The following MTHFD1L variants were observed in gnomAD, a reference collection of about 807,000 sequenced individuals.
The protein encoded by MTHFD1L is methylenetetrahydrofolate dehydrogenase (NADP+ dependent) 1 like, also known as monofunctional C1-tetrahydrofolate synthase, mitochondrial.
MTHFD1L carries 81 observed loss-of-function variants against 119.5 expected under a neutral mutation model. That is an observed-to-expected ratio of 0.68 (90% CI 0.57 to 0.82). The LOEUF (loss-of-function observed/expected upper bound fraction) is 0.82, where lower values mean the gene tolerates loss of function less well. Ranked by LOEUF, MTHFD1L falls within the 40% of genes least tolerant of loss-of-function variation. MTHFD1L has a pLI of 0.00. For missense variants in MTHFD1L, 1,125 were observed against 1,253.4 expected, an observed-to-expected ratio of 0.90 and a Z score of 1.55; for synonymous variants, 430 against 475.2, an observed-to-expected ratio of 0.90 and a Z score of 1.24.
At chr6:150,890,883 A>G (rs1486643077) in intron 7 of MTHFD1L, among the ~76,000 whole-genome samples, 2 of 152,260 alleles carry the variant, frequency 1.3e-5, no homozygotes, top group African/African-American at 4.8e-5. Context: ...GTATAGTTGC[A>G]TGTAGAGTAT....
intron 20 of MTHFD1L, among the ~76,000 whole-genome samples, chr6:151,002,261 C>T (rs1477199906): frequency 2.0e-5 from 3 of 152,128 alleles, no homozygotes; most frequent in African/African-American, 4.8e-5. Flanking sequence ...CAAGCTCTAT[C>T]GCTTAATAGC....
chr6:150,940,832 G>A (rs371542424), intron 13 of MTHFD1L, among the ~76,000 whole-genome samples: 13 of 152,030 alleles, frequency 8.6e-5, no homozygotes, highest in African/African-American at 1.4e-4. Context: ...CACCCACCTC[G>A]GTCTTCAAAA....
intron 7 of MTHFD1L, chr6:150,899,149 T>C (rs1784730908): frequency 4.5e-6 from 1 of 224,022 alleles, no homozygotes; most frequent in East Asian, 1.8e-4. Flanking sequence ...TTAAGTTGAA[T>C]GGTGAAGTCA....
intron 12 of MTHFD1L, 139 bp downstream of exon 12, chr6:150,937,079 G>A: frequency 9.2e-7 from 1 of 1,087,282 alleles, no homozygotes; most frequent in African/African-American, 1.6e-5. Flanking sequence ...TCAGTACATA[G>A]TGGTCGCCCC....
chr6:150,928,110 A>C (rs1204706464), intron 11 of MTHFD1L, among the ~76,000 whole-genome samples: 1 of 152,096 alleles, frequency 6.6e-6, no homozygotes, highest in Non-Finnish European at 1.5e-5. Context: ...AAGTGAGTTC[A>C]ATTATTTATA....
intron 5 of MTHFD1L, 89 bp from the exon 6 acceptor site, chr6:150,885,545 G>A (rs753343470): frequency 5.6e-5 from 49 of 876,146 alleles, no homozygotes; most frequent in Admixed American, 9.9e-5. Flanking sequence ...TGACTTGGAT[G>A]TTATTTGGGG....
rs761684013 is a variant in MTHFD1L, at chr6:150,869,262, A to C, written c.227+3213A>C. 2.0e-5 allele frequency among the ~76,000 whole-genome samples: 3 copies of C among 152,078 alleles called. No homozygotes were observed. In the South Asian group the frequency reaches 6.2e-4, roughly 32 times the overall value. On this transcript the variant is annotated intron_variant, in intron 1 of 27. Coordinates refer to ENST00000367321, the MANE Select transcript of MTHFD1L (RefSeq NM_015440.5). The stretch of plus-strand genomic sequence containing the variant: ...CCATGGTGGTTTGCTGCACCCATCA[A>C]CCCGTCATCTAGGTTTTAAGCCCCA...
At chr6:151,014,054 A>G (rs1452570169) in intron 22 of MTHFD1L, among the ~76,000 whole-genome samples, 2 of 152,170 alleles carry the variant, frequency 1.3e-5, no homozygotes, top group African/African-American at 4.8e-5. Flanking sequence ...GCAAAACCTC[A>G]TCTCTACTAA....
At chr6:150,878,033 A>G (rs1257954508) in intron 4 of MTHFD1L, among the ~76,000 whole-genome samples, 1 of 152,162 alleles carries the variant, frequency 6.6e-6, no homozygotes, top group East Asian at 1.9e-4. Flanking sequence ...TGAAGACTTG[A>G]GTTGCGACTT....
chr6:151,022,865 C>G (rs542082498), intron 24 of MTHFD1L, among the ~76,000 whole-genome samples: 5 of 152,096 alleles, frequency 3.3e-5, no homozygotes, highest in Admixed American at 1.3e-4. Context: ...TAATATTCTG[C>G]TTTCTTAATT....
At chr6:151,055,566 T>A (rs1789778513) in intron 26 of MTHFD1L, among the ~76,000 whole-genome samples, 2 of 151,902 alleles carry the variant, frequency 1.3e-5, no homozygotes, top group Non-Finnish European at 1.5e-5. Context: ...TTGCTCTTGT[T>A]GCCCAGGCTG....
chr6:151,100,034 CTT>C (rs377326942), intron 27 of MTHFD1L: 11,072 of 442,924 alleles, frequency 0.025, no homozygotes, highest in Middle Eastern at 0.036. Context: ...TCTTTCTTTT[CTT>C]TTTTTTTTTT....
intron 20 of MTHFD1L, among the ~76,000 whole-genome samples, chr6:151,007,648 T>C (rs1297224001): frequency 6.6e-6 from 1 of 152,176 alleles, no homozygotes; most frequent in African/African-American, 2.4e-5. Context: ...GGCCTTATTG[T>C]CCAGCCTTCC....
At chr6:150,867,562 T>C (rs1305066267) in intron 1 of MTHFD1L, among the ~76,000 whole-genome samples, 1 of 152,188 alleles carries the variant, frequency 6.6e-6, no homozygotes, top group South Asian at 2.1e-4. Flanking sequence ...ACTTCTCCCG[T>C]CATGCTGTTT....
At position 150,887,915 on chromosome 6, in the gene MTHFD1L, C is replaced by T. The variant is rs780172025; in HGVS notation, c.714C>T (p.Cys238=). 2 of 1,610,678 alleles carry T rather than the reference C, an allele frequency of 1.2e-6. No homozygotes were observed. Among genetic ancestry groups the T allele is most frequent in the Non-Finnish European group, 8.5e-7 (1 of 1,178,706 alleles). ...AHGSLEAALQ[C]LFQRKGSMTM... The stretch of plus-strand genomic sequence containing the variant: ...GGTCTTTGGAAGCTGCTCTACAATG[C>T]CTGTTCCAGAGAAAAGGGTCCATGA... The change falls in exon 7 of 28, where the codon TGC becomes TGT. Residue 238 remains cysteine, a synonymous_variant. Coordinates refer to ENST00000367321, the MANE Select transcript of MTHFD1L (RefSeq NM_015440.5).
intron 20 of MTHFD1L, among the ~76,000 whole-genome samples, chr6:150,974,939 T>C (rs906101301): frequency 1.3e-5 from 2 of 152,072 alleles, no homozygotes; most frequent in African/African-American, 4.8e-5. Flanking sequence ...GGTTTCTCCA[T>C]GTTGGTCAGT....
chr6:150,931,955 A>G (rs1225461555), intron 11 of MTHFD1L, among the ~76,000 whole-genome samples: 1 of 151,934 alleles, frequency 6.6e-6, no homozygotes, highest in Non-Finnish European at 1.5e-5. Context: ...TGAGGTCAGG[A>G]GTTCGAGACC....
chr6:150,947,377 G>A (rs140920342), intron 15 of MTHFD1L, among the ~76,000 whole-genome samples: 1 of 151,540 alleles, frequency 6.6e-6, no homozygotes, highest in African/African-American at 2.4e-5. Flanking sequence ...TTACAGGCAT[G>A]AGCCACCACA....
intron 26 of MTHFD1L, among the ~76,000 whole-genome samples, chr6:151,050,404 C>A (rs1484739301): frequency 6.6e-6 from 1 of 152,200 alleles, no homozygotes; most frequent in Admixed American, 6.5e-5. Context: ...TTAGGTGACC[C>A]GCCCGCCTTG....
Sources: allele counts gnomAD v4.1 joint callset (sites outside exome capture counted in the v4.1 genomes callset), GRCh38; gene constraint gnomAD v4.1.1; transcripts MANE v1.5; gene names NCBI Gene and HGNC (gene_info 2026-07-23, HGNC 2026-07-21).